Variants in RPTOR observed in about 807,000 individuals in gnomAD.
RPTOR encodes regulatory-associated protein of mTOR.
RPTOR carries 21 observed loss-of-function variants against 169.9 expected under a neutral mutation model. That is an observed-to-expected ratio of 0.12 (90% CI 0.09 to 0.18). RPTOR has a LOEUF of 0.18. RPTOR is among the 10% of genes least tolerant of loss of function. RPTOR has a pLI of 1.00. For synonymous variants in RPTOR, 732 were observed against 753.2 expected (o/e 0.97, Z 0.46); for missense variants, 1,133 against 1,855.9 (o/e 0.61, Z 7.16).
At chr17:80,857,178 T>G (rs2143751094) in intron 12 of RPTOR, among the ~76,000 whole-genome samples, 1 of 152,232 alleles carries the variant, frequency 6.6e-6, no homozygotes, top group South Asian at 2.1e-4. Flanking sequence ...CTCCCTCCCC[T>G]GCCTCTGAGG....
chr17:80,814,734 G>A (rs2067306691), intron 7 of RPTOR, among the ~76,000 whole-genome samples: 1 of 152,182 alleles, frequency 6.6e-6, no homozygotes, highest in African/African-American at 2.4e-5. Context: ...CATCGTAACA[G>A]CAAGATGAAG....
chr17:80,729,875 G>A (rs572596045), intron 4 of RPTOR, among the ~76,000 whole-genome samples: 1 of 152,346 alleles, frequency 6.6e-6, no homozygotes, highest in South Asian at 2.1e-4. Flanking sequence ...CGGGAACTGA[G>A]GCAGCCATGG....
intron 3 of RPTOR, among the ~76,000 whole-genome samples, chr17:80,649,978 A>G (rs150952401): frequency 7.9e-4 from 121 of 152,370 alleles, no homozygotes; most frequent in Middle Eastern, 3.4e-3. Flanking sequence ...GAAGCAGTTT[A>G]TTCCGGACTC....
rs956540612 is a variant in RPTOR, at chr17:80,585,528, C to G, written c.162+39737C>G. On this transcript the variant is annotated intron_variant, in intron 1 of 33. Transcript: ENST00000306801. ...CGGTTTATTATTTTTTCCTCAGTGC[C>G]GTGGAGGCGCACAGGGCTGCTGCAC... Among the ~76,000 whole-genome samples, 5 of 152,152 alleles carry G rather than the reference C, an allele frequency of 3.3e-5. 1 individual carries two copies. The South Asian group carries it at 1.0e-3, about 31-fold the overall frequency.
chr17:80,628,176 C>T (rs983396220), intron 2 of RPTOR, among the ~76,000 whole-genome samples: 8 of 152,084 alleles, frequency 5.3e-5, no homozygotes, highest in East Asian at 1.9e-4. Flanking sequence ...GCTGAACTGT[C>T]GGTTTTTTAA....
rs2067498915 is a variant in RPTOR, at chr17:80,831,101, G to A, written c.1137-6821G>A. Among the ~76,000 whole-genome samples, 4 of 152,250 alleles carry A rather than the reference G, an allele frequency of 2.6e-5. No individual in the cohort carries two copies. In the South Asian group the frequency reaches 8.3e-4, roughly 32 times the overall value. On this transcript the variant is annotated intron_variant, in intron 9 of 33. Coordinates refer to ENST00000306801, the MANE Select transcript of RPTOR (RefSeq NM_020761.3). ...TCCCAGCGGAGATTCCATAGCAGCCGTGTGTTGTTCCGATGTGTGTTTTCC... is the reference window on the plus strand; with the variant it reads ...TCCCAGCGGAGATTCCATAGCAGCCATGTGTTGTTCCGATGTGTGTTTTCC...
At chr17:80,564,516 A>G (rs1002213524) in intron 1 of RPTOR, among the ~76,000 whole-genome samples, 3 of 151,800 alleles carry the variant, frequency 2.0e-5, no homozygotes, top group African/African-American at 7.3e-5. Context: ...TTAGAGGTAC[A>G]TGTGCAGGTT....
At position 80,944,969 on chromosome 17, in the gene RPTOR, T is replaced by C. The variant is rs375535497; in HGVS notation, c.3026-698T>C. Among the ~76,000 whole-genome samples the C allele has an allele frequency of 7.0e-3, 946 of 135,222 alleles. 13 individuals carry two copies. The highest frequency in any genetic ancestry group is 0.049 in the South Asian group (217 of 4,384). The allele number at this position is 135,222 out of a possible 152,430, so 88.7% of individuals were successfully genotyped here. ...TCACACCACTGCACTTCAGCCTGGG[T>C]GACAGAGCAAGACTCCATCTCAAAA... On this transcript the variant is annotated intron_variant, in intron 25 of 33. Transcript: ENST00000306801.
At chr17:80,865,659 C>G (rs1233890753) in intron 13 of RPTOR, among the ~76,000 whole-genome samples, 1 of 152,012 alleles carries the variant, frequency 6.6e-6, no homozygotes, top group Admixed American at 6.5e-5. Context: ...ATACATCCAA[C>G]AAAACTGATG....
chr17:80,881,747 G>C (rs182820498), intron 14 of RPTOR, among the ~76,000 whole-genome samples: 25 of 152,312 alleles, frequency 1.6e-4, no homozygotes, highest in African/African-American at 5.1e-4. Context: ...CCTGAGCCCG[G>C]GGAAGTCAAG....
Position 80,880,460 on chromosome 17 carries a change from C to T in RPTOR, c.1555C>T (p.Leu519=), listed in dbSNP as rs1598374600. The change falls in exon 14 of 34, where the codon CTG becomes TTG. Residue 519 remains leucine (L), a synonymous_variant. Transcript: ENST00000306801. ...LVKDNGHKYF[L]SVLADPYMPA... is the part of the protein sequence containing the mutation. Reference sequence around the variant, plus strand: ...GAAGGACAACGGCCACAAGTACTTCCTGTCGGTCCTGGCGGACCCCTACAT... The same window carrying T: ...GAAGGACAACGGCCACAAGTACTTCTTGTCGGTCCTGGCGGACCCCTACAT... 6.2e-7 allele frequency: 1 copy of T among 1,613,734 alleles called. No homozygotes were observed. The highest frequency in any genetic ancestry group is 8.5e-7 in the Non-Finnish European group (1 of 1,180,008).
rs1179609379 is a variant in RPTOR at position 80,545,618 on chromosome 17, C to A, written c.-12C>A. On this transcript the variant is annotated 5_prime_UTR_variant, in exon 1 of 34. Coordinates refer to ENST00000306801, the MANE Select transcript of RPTOR (RefSeq NM_020761.3). Reference sequence around the variant, plus strand: ...CTTGCTGCCAAGGACTCCCCCACCCCCTCCCCCACTGATGGAGTCCGAAAT... The same window carrying A: ...CTTGCTGCCAAGGACTCCCCCACCCACTCCCCCACTGATGGAGTCCGAAAT... 2 of 1,602,304 alleles carry A rather than the reference C, an allele frequency of 1.2e-6. No individual in the cohort carries two copies. The highest frequency in any genetic ancestry group is 1.7e-6 in the Non-Finnish European group (2 of 1,173,774).
chr17:80,858,714 G>A (rs988895271), intron 13 of RPTOR, among the ~76,000 whole-genome samples: 12 of 152,150 alleles, frequency 7.9e-5, no homozygotes, highest in Non-Finnish European at 2.9e-5. Flanking sequence ...TTGAGGGGGT[G>A]GATGTCGGGC....
intron 1 of RPTOR, among the ~76,000 whole-genome samples, chr17:80,586,056 G>C (rs1244653445): frequency 1.3e-5 from 2 of 152,000 alleles, no homozygotes; most frequent in East Asian, 3.9e-4. Context: ...GCAGTTTGTC[G>C]GGAGGCGCTC....
At chr17:80,846,607 G>A in intron 11 of RPTOR, 33 bp downstream of exon 11, 1 of 1,593,374 alleles carries the variant, frequency 6.3e-7, no homozygotes, top group Non-Finnish European at 8.6e-7. Context: ...AGACAGCCGA[G>A]GTTCCTCAGG....
chr17:80,767,173 G>C (rs937996233), intron 6 of RPTOR, among the ~76,000 whole-genome samples: 1 of 152,178 alleles, frequency 6.6e-6, no homozygotes, highest in African/African-American at 2.4e-5. Flanking sequence ...AGGAGTTCAA[G>C]ACCAGCCTGG....
chr17:80,726,672 C>T lies in RPTOR; in HGVS notation c.508-3888C>T, dbSNP rs949469973. On this transcript the variant is annotated intron_variant, in intron 4 of 33. Transcript: ENST00000306801. This position sits in a 1 kb window ranked among gnomAD's most constrained non-coding sequence, Gnocchi z 4.5. ...GTTTCACTGATGGTGGCGCAGAGGA[C>T]GTTGTGAGGTGGCTGTAGGGTCAGG... Among the ~76,000 whole-genome samples, 5 of 152,030 alleles carry T rather than the reference C, an allele frequency of 3.3e-5. No homozygotes were observed. The highest frequency in any genetic ancestry group is 2.1e-4 in the South Asian group (1 of 4,818).
At chr17:80,797,130 T>C (rs2067109294) in intron 7 of RPTOR, among the ~76,000 whole-genome samples, 1 of 152,090 alleles carries the variant, frequency 6.6e-6, no homozygotes, top group Non-Finnish European at 1.5e-5. Context: ...GGTTGTGTGT[T>C]TTTTGTTGTT....
At chr17:80,592,677 G>A (rs1490278725) in intron 1 of RPTOR, among the ~76,000 whole-genome samples, 2 of 152,146 alleles carry the variant, frequency 1.3e-5, no homozygotes, top group East Asian at 1.9e-4. Context: ...GGTAAAGAGG[G>A]CCTAGAAACA....
Sources: gnomAD v4.1 joint callset for allele counts (sites outside exome capture counted in the v4.1 genomes callset) on GRCh38, gnomAD v4.1.1 for gene constraint, Gnocchi (gnomAD v3.1) non-coding constraint, MANE v1.5 for transcripts, NCBI Gene and HGNC (gene_info 2026-07-23, HGNC 2026-07-21) for gene names.